RALGAPA1: variants seen among roughly 807,000 people sequenced by gnomAD.
RALGAPA1 encodes the protein ral GTPase-activating protein subunit alpha-1.
In RALGAPA1, 52 loss-of-function variants were observed where a neutral mutation model predicts 269.6. The ratio of observed to expected loss-of-function variants is 0.19; its 90% CI spans 0.15 to 0.24. The LOEUF (loss-of-function observed/expected upper bound fraction) is 0.24, where lower values mean the gene tolerates loss of function less well. RALGAPA1 is among the 10% of genes least tolerant of loss of function. RALGAPA1 has a pLI of 1.00. For synonymous variants in RALGAPA1, 817 were observed against 1,008.3 expected, an observed-to-expected ratio of 0.81 and a Z score of 3.60; for missense variants, 1,917 against 3,013.9, an observed-to-expected ratio of 0.64 and a Z score of 8.52.
chr14:35,678,184 A>G, intron 21 of RALGAPA1, 82 bp from the exon 22 acceptor site: 1 of 1,336,616 alleles, frequency 7.5e-7, no homozygotes, highest in Non-Finnish European at 1.0e-6. Context: ...CCTAAATAAA[A>G]GAAATTTTAA....
chr14:35,751,806 C>CA (rs1432074672), intron 8 of RALGAPA1, among the ~76,000 whole-genome samples: 94 of 112,296 alleles, frequency 8.4e-4, no homozygotes, highest in African/African-American at 2.5e-3. Context: ...ACAACAACAA[C>CA]AACAACAAAA....
intron 37 of RALGAPA1, among the ~76,000 whole-genome samples, chr14:35,584,500 A>C (rs2058151811): frequency 6.6e-6 from 1 of 152,164 alleles, no homozygotes; most frequent in Non-Finnish European, 1.5e-5. Flanking sequence ...CCTGGGCTCA[A>C]CAGATCTGCC....
chr14:35,681,422 GAAGTT>G (rs1382210207), intron 21 of RALGAPA1, among the ~76,000 whole-genome samples: 1 of 152,100 alleles, frequency 6.6e-6, no homozygotes, highest in African/African-American at 2.4e-5. Context: ...AAATTTCTTA[GAAGTT>G]AATTATCCAA....
chr14:35,709,835 A>G (rs1190304914), intron 16 of RALGAPA1, among the ~76,000 whole-genome samples: 1 of 152,150 alleles, frequency 6.6e-6, no homozygotes, highest in Non-Finnish European at 1.5e-5. Context: ...ATCTCCAAGT[A>G]TTTTAGAGTT....
At chr14:35,575,181 C>A (rs1255408029) in intron 37 of RALGAPA1, among the ~76,000 whole-genome samples, 2 of 151,398 alleles carry the variant, frequency 1.3e-5, no homozygotes, top group Non-Finnish European at 2.9e-5. Flanking sequence ...TACTCTAAAA[C>A]CACCAAAGAA....
chr14:35,664,616 C>T (rs771139930), intron 27 of RALGAPA1, 26 bp downstream of exon 27: 2 of 1,560,136 alleles, frequency 1.3e-6, no homozygotes, highest in South Asian at 2.4e-5. Context: ...CATTTAAGTG[C>T]TAAAAATTAG....
intron 1 of RALGAPA1, among the ~76,000 whole-genome samples, chr14:35,799,437 C>G (rs148153229): frequency 0.022 from 3,314 of 152,072 alleles, 127 homozygotes; most frequent in African/African-American, 0.076. Flanking sequence ...CAATGCGTGC[C>G]TGTAATCCCA....
Position 35,721,826 on chromosome 14 carries a change from C to T in RALGAPA1, c.2128G>A (p.Val710Ile). ...CTAGAAAATGACTTGTCAACTGAAA[C>T]TTTCTGAAATTCATGTCCAACTCCT... is the stretch of plus-strand genomic sequence containing the variant. Reference protein sequence around the residue: ...GKGVGHEFQKVSVDKSFSRGW... With the variant: ...GKGVGHEFQKISVDKSFSRGW... Residue 710 changes from valine to isoleucine, a missense_variant, in exon 16 of 42, where the codon GTT becomes ATT. Coordinates refer to ENST00000680220, the MANE Select transcript of RALGAPA1 (RefSeq NM_001346249.2). 6.2e-7 allele frequency: 1 copy of T among 1,613,466 alleles called. No homozygotes were observed. The highest frequency in any genetic ancestry group is 8.5e-7 in the Non-Finnish European group (1 of 1,179,504).
At chr14:35,731,592 C>T (rs1468000444) in intron 12 of RALGAPA1, among the ~76,000 whole-genome samples, 1 of 152,076 alleles carries the variant, frequency 6.6e-6, no homozygotes, top group Non-Finnish European at 1.5e-5. Flanking sequence ...GCAAAATGCT[C>T]TGGAAAGTCT....
At chr14:35,583,436 A>C (rs1208846716) in intron 37 of RALGAPA1, among the ~76,000 whole-genome samples, 1 of 152,210 alleles carries the variant, frequency 6.6e-6, no homozygotes, top group South Asian at 2.1e-4. Context: ...AAAGATTTAT[A>C]TTCAAACAGA....
Position 35,715,891 on chromosome 14 carries a change from A to C in RALGAPA1, c.2266+5797T>G. The C allele has an allele frequency of 4.1e-6, 4 of 985,366 alleles. No homozygotes were observed. The South Asian group carries it at 1.4e-4, about 35-fold the overall frequency. The allele number at this position is 985,366 out of a possible 1,614,324, so 61.0% of individuals were successfully genotyped here. On this transcript the variant is annotated intron_variant, in intron 16 of 41. Coordinates refer to ENST00000680220, the MANE Select transcript of RALGAPA1 (RefSeq NM_001346249.2). Reference sequence around the variant, plus strand: ...GCTCATCACTCCATTTTCCACTCATAGTTTTATTTTGGTCAAGGAAATGAG... The same window carrying C: ...GCTCATCACTCCATTTTCCACTCATCGTTTTATTTTGGTCAAGGAAATGAG...
intron 27 of RALGAPA1, among the ~76,000 whole-genome samples, chr14:35,659,457 T>C (rs1027097350): frequency 2.0e-5 from 3 of 152,092 alleles, no homozygotes; most frequent in Non-Finnish European, 4.4e-5. Flanking sequence ...TAATAGCTCA[T>C]AGGTATGAAG....
intron 30 of RALGAPA1, among the ~76,000 whole-genome samples, 162 bp from the exon 31 acceptor site, chr14:35,652,035 G>A (rs2062861588): frequency 6.6e-6 from 1 of 152,080 alleles, no homozygotes; most frequent in Non-Finnish European, 1.5e-5. Flanking sequence ...TAATAGGTAA[G>A]CTTTTCAAGT....
chr14:35,797,958 G>C (rs1290891726), intron 1 of RALGAPA1, among the ~76,000 whole-genome samples: 2 of 150,054 alleles, frequency 1.3e-5, no homozygotes, highest in Non-Finnish European at 3.0e-5. Flanking sequence ...CTGCAGCCTC[G>C]ACCTCCTGGG....
intron 11 of RALGAPA1, among the ~76,000 whole-genome samples, 184 bp downstream of exon 11, chr14:35,742,184 C>T (rs528379868): frequency 6.6e-6 from 1 of 152,252 alleles, no homozygotes; most frequent in African/African-American, 2.4e-5. Flanking sequence ...GTTGTGGTAT[C>T]ACAGGGCTTT....
chr14:35,768,617 C>A (rs2074336613), intron 4 of RALGAPA1, among the ~76,000 whole-genome samples: 1 of 151,910 alleles, frequency 6.6e-6, no homozygotes, highest in Non-Finnish European at 1.5e-5. Flanking sequence ...TGGCTTAAGC[C>A]CATTTCAAGG....
chr14:35,649,016 T>C (rs1483334000), intron 31 of RALGAPA1, among the ~76,000 whole-genome samples: 2 of 152,236 alleles, frequency 1.3e-5, no homozygotes, highest in Non-Finnish European at 2.9e-5. Context: ...TATATCGCCT[T>C]AAGTGATTTC....
At chr14:35,625,268 A>G in intron 35 of RALGAPA1, 93 bp downstream of exon 35, 1 of 858,298 alleles carries the variant, frequency 1.2e-6, no homozygotes, top group Admixed American at 2.3e-5. Flanking sequence ...ATAACACAGT[A>G]TTATATACTA....
At chr14:35,620,117 T>TC (rs1395780385) in intron 35 of RALGAPA1, among the ~76,000 whole-genome samples, 10 of 152,092 alleles carry the variant, frequency 6.6e-5, no homozygotes, top group Non-Finnish European at 1.3e-4. Context: ...CTCAATGAAA[T>TC]ACTGGCAAAC....
Sources: allele counts gnomAD v4.1 joint callset (sites outside exome capture counted in the v4.1 genomes callset), GRCh38; gene constraint gnomAD v4.1.1; transcripts MANE v1.5; gene names NCBI Gene and HGNC (gene_info 2026-07-23, HGNC 2026-07-21).